Variants in DYM observed in about 807,000 individuals in gnomAD.
DYM encodes the protein dyggve-Melchior-Clausen syndrome protein.
In DYM, 78 loss-of-function variants were observed where a neutral mutation model predicts 93.1. The observed-to-expected ratio is 0.84, with a 90% CI of 0.70 to 1.01. The LOEUF (loss-of-function observed/expected upper bound fraction) is 1.01, where lower values mean the gene tolerates loss of function less well. Among genes scored for constraint, DYM ranks in the 50% least tolerant of loss-of-function variants. DYM has a pLI of 0.00. For synonymous variants in DYM, 321 were observed against 319.7 expected (o/e 1.00, Z -0.04); for missense variants, 789 against 845.0 (o/e 0.93, Z 0.82).
At chr18:49,122,738 C>T (rs2082491626) in intron 15 of DYM, among the ~76,000 whole-genome samples, 1 of 152,178 alleles carries the variant, frequency 6.6e-6, no homozygotes, top group Non-Finnish European at 1.5e-5. Context: ...GTCCCTGGTG[C>T]CAAAAAGGCT....
intron 2 of DYM, among the ~76,000 whole-genome samples, chr18:49,426,587 T>C (rs2074314047): frequency 6.6e-6 from 1 of 151,440 alleles, no homozygotes; most frequent in South Asian, 2.1e-4. Flanking sequence ...TGCCAAAAGA[T>C]ATAAACAGTT....
At chr18:49,270,851 C>A (rs1328370929) in intron 11 of DYM, among the ~76,000 whole-genome samples, 2 of 152,058 alleles carry the variant, frequency 1.3e-5, no homozygotes, top group African/African-American at 2.4e-5. Flanking sequence ...AAAAGCCCTA[C>A]TGAAAATGAG....
At chr18:49,403,789 C>A (rs2071125786) in intron 2 of DYM, among the ~76,000 whole-genome samples, 1 of 151,558 alleles carries the variant, frequency 6.6e-6, no homozygotes, top group Admixed American at 6.6e-5. Flanking sequence ...CCTTTATATA[C>A]ATAAGTAATC....
chr18:49,242,357 T>G (rs891346771), intron 13 of DYM, among the ~76,000 whole-genome samples: 4 of 152,162 alleles, frequency 2.6e-5, no homozygotes, highest in Non-Finnish European at 5.9e-5. Context: ...GAGGTTGCAC[T>G]GAGTGGGAAG....
intron 8 of DYM, among the ~76,000 whole-genome samples, chr18:49,324,598 T>C (rs568159687): frequency 5.9e-5 from 9 of 152,336 alleles, no homozygotes; most frequent in Non-Finnish European, 1.2e-4. Context: ...TTCACTTTTG[T>C]CAGTTTTTCA....
At chr18:49,133,958 T>A (rs532971545) in intron 15 of DYM, among the ~76,000 whole-genome samples, 1 of 152,330 alleles carries the variant, frequency 6.6e-6, no homozygotes, top group African/African-American at 2.4e-5. Context: ...TAGTAGATGA[T>A]TGACTAAATT....
intron 14 of DYM, among the ~76,000 whole-genome samples, chr18:49,178,559 T>C (rs2089618404): frequency 6.6e-6 from 1 of 152,212 alleles, no homozygotes; most frequent in Admixed American, 6.6e-5. Context: ...CCAAGAATGC[T>C]AGATAAATGA....
intron 14 of DYM, among the ~76,000 whole-genome samples, chr18:49,205,117 C>T (rs533627192): frequency 1.3e-5 from 2 of 152,150 alleles, no homozygotes; most frequent in African/African-American, 2.4e-5. Flanking sequence ...TGTACCACTA[C>T]ACCCAGCTAA....
chr18:49,091,383 G>A (rs918572372), intron 17 of DYM, among the ~76,000 whole-genome samples: 12 of 152,126 alleles, frequency 7.9e-5, no homozygotes, highest in South Asian at 2.1e-4. Flanking sequence ...CTGGAAGGTC[G>A]GGCAGGCATG....
intron 14 of DYM, among the ~76,000 whole-genome samples, chr18:49,185,233 G>T (rs1156280069): frequency 6.6e-6 from 1 of 152,122 alleles, no homozygotes; most frequent in African/African-American, 2.4e-5. Context: ...TTTCTTAAAA[G>T]AGAAAATTAA....
At chr18:49,218,487 T>C (rs914773239) in intron 13 of DYM, among the ~76,000 whole-genome samples, 2 of 152,136 alleles carry the variant, frequency 1.3e-5, no homozygotes, top group East Asian at 1.9e-4. Context: ...TATTCCAAAA[T>C]TGACCACATA....
intron 2 of DYM, among the ~76,000 whole-genome samples, chr18:49,418,599 T>G (rs2073277825): frequency 6.6e-6 from 1 of 152,212 alleles, no homozygotes; most frequent in African/African-American, 2.4e-5. Context: ...TTTCTAAAAA[T>G]TGCAGCAAAC....
intron 15 of DYM, among the ~76,000 whole-genome samples, chr18:49,154,932 A>C (rs1215153652): frequency 6.6e-6 from 1 of 152,230 alleles, no homozygotes; most frequent in African/African-American, 2.4e-5. Context: ...TCAAGCATAC[A>C]TGTATGTATA....
At chr18:49,205,704 T>C (rs1001745985) in intron 14 of DYM, among the ~76,000 whole-genome samples, 1 of 152,102 alleles carries the variant, frequency 6.6e-6, no homozygotes, top group Admixed American at 6.5e-5. Context: ...ATGACAGGTG[T>C]TTTCAAAAAC....
intron 15 of DYM, among the ~76,000 whole-genome samples, chr18:49,140,237 A>T (rs908274709): frequency 1.3e-5 from 2 of 152,150 alleles, no homozygotes; most frequent in African/African-American, 4.8e-5. Context: ...CCTTTGCCAC[A>T]TAGCATTCAT....
chr18:49,391,748 G>A, intron 2 of DYM, 103 bp from the exon 3 acceptor site: 1 of 1,004,330 alleles, frequency 1.0e-6, no homozygotes, highest in South Asian at 1.4e-5. Context: ...TAATTTAGAA[G>A]AAAAATATGG....
chr18:49,108,482 C>T (rs976057105), intron 16 of DYM, among the ~76,000 whole-genome samples: 5 of 152,358 alleles, frequency 3.3e-5, no homozygotes, highest in East Asian at 3.9e-4. Flanking sequence ...AGAAATCACC[C>T]GTCTTCTGCA....
intron 17 of DYM, among the ~76,000 whole-genome samples, chr18:49,078,848 C>T (rs1341515595): frequency 6.6e-6 from 1 of 152,136 alleles, no homozygotes; most frequent in African/African-American, 2.4e-5. Context: ...AGTTTCCATC[C>T]GGCATCATTT....
chr18:49,263,039 A>C (rs2094513902), intron 11 of DYM, among the ~76,000 whole-genome samples: 1 of 152,224 alleles, frequency 6.6e-6, no homozygotes, highest in Non-Finnish European at 1.5e-5. Flanking sequence ...CAGATTTTGA[A>C]AACAAAAATA....
Sources: allele counts gnomAD v4.1 joint callset (sites outside exome capture counted in the v4.1 genomes callset), GRCh38; gene constraint gnomAD v4.1.1; transcripts MANE v1.5; gene names NCBI Gene and HGNC (gene_info 2026-07-23, HGNC 2026-07-21).